Variants in CPLX2 observed in about 807,000 individuals in gnomAD.
The protein encoded by CPLX2 is complexin 2.
CPLX2 carries 5 observed loss-of-function variants against 16.3 expected under a neutral mutation model. The ratio of observed to expected loss-of-function variants is 0.31; its 90% confidence interval spans 0.16 to 0.64. The LOEUF (loss-of-function observed/expected upper bound fraction) is 0.64. Ranked by LOEUF, CPLX2 falls within the 30% of genes least tolerant of loss-of-function variation. The probability of loss-of-function intolerance (pLI) is 0.79; values close to 1 mark genes in which losing one functional copy is unlikely to be tolerated. For missense variants in CPLX2, 144 were observed against 181.4 expected, an observed-to-expected ratio of 0.79 and a Z score of 1.18; for synonymous variants, 89 against 73.2, an observed-to-expected ratio of 1.22 and a Z score of -1.10.
chr5:175,802,002 C>T (rs1287715656), intron 1 of CPLX2, among the ~76,000 whole-genome samples: 5 of 152,344 alleles, frequency 3.3e-5, no homozygotes, highest in African/African-American at 1.2e-4. Context: ...CTCTGTCCTC[C>T]AGCTCCTCCA....
chr5:175,833,823 G>A (rs367801240), intron 2 of CPLX2, among the ~76,000 whole-genome samples: 18 of 152,232 alleles, frequency 1.2e-4, no homozygotes, highest in South Asian at 4.1e-4. Context: ...TGCCCAGACC[G>A]CAGGCTCGGC....
chr5:175,875,820 C>T (rs1759743796), intron 1 of CPLX2, among the ~76,000 whole-genome samples: 1 of 152,008 alleles, frequency 6.6e-6, no homozygotes, highest in Non-Finnish European at 1.5e-5. Context: ...TTTGGGCAGA[C>T]TCGGGAATTT....
At chr5:175,840,261 A>C (rs1758922079) in intron 2 of CPLX2, among the ~76,000 whole-genome samples, 1 of 152,208 alleles carries the variant, frequency 6.6e-6, no homozygotes, top group Non-Finnish European at 1.5e-5. Context: ...CAACCTCAGC[A>C]ACTAAAAATT....
At chr5:175,806,896 G>T (rs1337930206) in intron 1 of CPLX2, among the ~76,000 whole-genome samples, 1 of 152,176 alleles carries the variant, frequency 6.6e-6, no homozygotes, top group East Asian at 1.9e-4. Context: ...CACTGTGCGA[G>T]ATCAAGGCCT....
At chr5:175,842,619 G>A (rs769848001) in intron 2 of CPLX2, among the ~76,000 whole-genome samples, 1 of 152,230 alleles carries the variant, frequency 6.6e-6, no homozygotes, top group Non-Finnish European at 1.5e-5. Context: ...CATGGGGCCT[G>A]CACTCCAGGG....
rs1162778947 is a variant in CPLX2, at chr5:175,845,540, C to A, written c.-88-33112C>A. ...CCACTCCCCCTAGAGTAACTGCCCC[C>A]ATCTGCGTCACTGTGTGTTATTTTC... On this transcript the variant is annotated intron_variant, in intron 2 of 4. Transcript: ENST00000359546. The surrounding 1 kb of genome is among the most constrained non-coding windows in gnomAD (Gnocchi z 4.0). 6.6e-6 allele frequency among the ~76,000 whole-genome samples: 1 copy of A among 152,230 alleles called. No individual in the cohort carries two copies. Among genetic ancestry groups the A allele is most frequent in the Non-Finnish European group, 1.5e-5 (1 of 68,042 alleles).
intron 2 of CPLX2, among the ~76,000 whole-genome samples, chr5:175,843,330 C>CA (rs1357052714): frequency 6.6e-6 from 1 of 152,246 alleles, no homozygotes; most frequent in East Asian, 1.9e-4. Flanking sequence ...CCAAGGCACA[C>CA]ACACTGTGGT....
In CPLX2 at chr5:175,849,042, T is replaced by C. The variant is rs1759102734; in HGVS notation, c.-88-29610T>C. ...CCTGTGCTGGTTTCTTCTAAGCCAATGGAGACTTTCAAACAGAGGTGTGTC... is the reference window on the plus strand; with the variant it reads ...CCTGTGCTGGTTTCTTCTAAGCCAACGGAGACTTTCAAACAGAGGTGTGTC... On this transcript the variant is annotated intron_variant, in intron 2 of 4. Transcript: ENST00000359546. The surrounding 1 kb of genome is among the most constrained non-coding windows in gnomAD (Gnocchi z 4.4). Among the ~76,000 whole-genome samples the C allele has an allele frequency of 6.6e-6, 1 of 152,174 alleles. No homozygotes were observed. The highest frequency in any genetic ancestry group is 2.4e-5 in the African/African-American group (1 of 41,440).
chr5:175,875,407 A>G (rs1759735495), intron 1 of CPLX2, among the ~76,000 whole-genome samples: 1 of 152,152 alleles, frequency 6.6e-6, no homozygotes. Flanking sequence ...AGGTTACAGG[A>G]GCTCCCACTC....
At chr5:175,846,754 T>C (rs1224442134) in intron 2 of CPLX2, among the ~76,000 whole-genome samples, 1 of 152,192 alleles carries the variant, frequency 6.6e-6, no homozygotes, top group Non-Finnish European at 1.5e-5. Flanking sequence ...CCCCCATGCC[T>C]GTAAGCTGGA....
chr5:175,868,604 C>T (rs1759521643), upstream of CPLX2, among the ~76,000 whole-genome samples: 1 of 152,222 alleles, frequency 6.6e-6, no homozygotes, highest in East Asian at 1.9e-4. Context: ...GGCCTGTTTG[C>T]ACTCCCGCTG....
intron 2 of CPLX2, among the ~76,000 whole-genome samples, chr5:175,860,510 GAAAGAA>G (rs1335702553): frequency 5.3e-5 from 1 of 19,044 alleles, no homozygotes; most frequent in African/African-American, 2.6e-4. Context: ...AAGAAAGAAA[GAAAGAA>G]AAAGAAAGAA....
At position 175,878,639 on chromosome 5, in the gene CPLX2, T is replaced by G; in HGVS notation, c.-88-13T>G. On this transcript the variant is annotated splice_polypyrimidine_tract_variant and intron_variant, in intron 1 of 3. Transcript: ENST00000393745. ...GAGGCCTCTCCCATCTGACTCCCAATTCTCTTCTGCAGGTTGTCACATCTT... is the reference window on the plus strand; with the variant it reads ...GAGGCCTCTCCCATCTGACTCCCAAGTCTCTTCTGCAGGTTGTCACATCTT... 2 of 1,389,322 alleles carry G rather than the reference T, an allele frequency of 1.4e-6. No homozygotes were observed. The highest frequency in any genetic ancestry group is 2.0e-6 in the Non-Finnish European group (2 of 998,958). The allele number at this position is 1,389,322 out of a possible 1,614,324, so 86.1% of individuals were successfully genotyped here.
intron 2 of CPLX2, among the ~76,000 whole-genome samples, chr5:175,846,048 C>T (rs974050870): frequency 2.0e-5 from 3 of 152,174 alleles, no homozygotes; most frequent in African/African-American, 7.2e-5. Flanking sequence ...CCACACCGCA[C>T]CTGTGGCCTT....
At chr5:175,818,192 T>C (rs916382258) in intron 2 of CPLX2, among the ~76,000 whole-genome samples, 4 of 151,624 alleles carry the variant, frequency 2.6e-5, no homozygotes, top group African/African-American at 9.7e-5. Flanking sequence ...GCTGGCCCAC[T>C]AGGGAGGGGA....
Position 175,883,060 on chromosome 5 carries a change from C to G in CPLX2, c.*3015C>G, listed in dbSNP as rs1404843904. The G allele has an allele frequency of 6.6e-6, 1 of 152,250 alleles. No homozygotes were observed. Among genetic ancestry groups the G allele is most frequent in the Non-Finnish European group, 1.5e-5 (1 of 68,094 alleles). 9.4% of individuals were successfully genotyped at this position (152,250 alleles called of 1,614,324 possible). On this transcript the variant is annotated 3_prime_UTR_variant, in exon 4 of 4. Transcript: ENST00000393745. Reference sequence around the variant, plus strand: ...CCCAGAATTCAGCACGCACACAACACACAAGGGAGAGAACCCCCAGATGAG... The same window carrying G: ...CCCAGAATTCAGCACGCACACAACAGACAAGGGAGAGAACCCCCAGATGAG...
At chr5:175,838,103 T>TC (rs766117769) in intron 2 of CPLX2, among the ~76,000 whole-genome samples, 5 of 152,052 alleles carry the variant, frequency 3.3e-5, no homozygotes, top group Non-Finnish European at 7.4e-5. Flanking sequence ...AGAGATGTGT[T>TC]CCCCAAGAAA....
chr5:175,880,326 G>A lies in CPLX2; in HGVS notation c.*281G>A, dbSNP rs878876807. 2 of 490,712 alleles carry A rather than the reference G, an allele frequency of 4.1e-6. No individual in the cohort carries two copies. Among genetic ancestry groups the A allele is most frequent in the South Asian group, 4.0e-5 (2 of 50,266 alleles). 30.4% of individuals were successfully genotyped at this position (490,712 alleles called of 1,614,324 possible). On this transcript the variant is annotated 3_prime_UTR_variant, in exon 4 of 4. Transcript: ENST00000393745. ...TCAGGAAGCCTAAGGTCGTGCTAGT[G>A]TGGTGACCCCCATACATTCCTCCCT... is the stretch of plus-strand genomic sequence containing the variant.
At chr5:175,866,544 A>G (rs762635847) in intron 2 of CPLX2, among the ~76,000 whole-genome samples, 4 of 150,250 alleles carry the variant, frequency 2.7e-5, no homozygotes, top group Non-Finnish European at 5.9e-5. Flanking sequence ...GTGGGCTGGG[A>G]GACGACTGCT....
Sources: allele counts gnomAD v4.1 joint callset (sites outside exome capture counted in the v4.1 genomes callset), GRCh38; gene constraint gnomAD v4.1.1; non-coding constraint Gnocchi (gnomAD v3.1); transcripts MANE v1.5; gene names NCBI Gene and HGNC (gene_info 2026-07-23, HGNC 2026-07-21).